Variants in FBXL2 observed in about 807,000 individuals in gnomAD.
FBXL2 encodes the protein F-box and leucine rich repeat protein 2.
Under a neutral mutation model 69.2 loss-of-function variants are expected in FBXL2, and 38 were observed. That is an observed-to-expected ratio of 0.55 (90% CI 0.42 to 0.72). The LOEUF is 0.72. FBXL2 is among the 30% of genes least tolerant of loss of function. FBXL2 has a pLI of 0.00. For missense variants in FBXL2, 354 were observed against 520.3 expected (o/e 0.68, Z 3.11); for synonymous variants, 192 against 201.3 (o/e 0.95, Z 0.39).
At chr3:33,406,212 C>A (rs2044416479), downstream of FBXL2, among the ~76,000 whole-genome samples, 1 of 152,162 alleles carries the variant, frequency 6.6e-6, no homozygotes, top group Non-Finnish European at 1.5e-5. Context: ...AGATTGAGGT[C>A]AGCCTTGGCA....
In FBXL2 at chr3:33,376,441, A is replaced by G. The variant is rs557796576; in HGVS notation, c.789-832A>G. Among the ~76,000 whole-genome samples, 13 of 152,312 alleles carry G rather than the reference A, an allele frequency of 8.5e-5. No homozygotes were observed. In the East Asian group the frequency reaches 2.3e-3, roughly 27 times the overall value. ...CTTACTGTTGTAGAGAAGGTACTAT[A>G]TCATTTAGATATTTCTGCTTAGTAG... On this transcript the variant is annotated intron_variant, in intron 10 of 14. Coordinates refer to ENST00000484457, the MANE Select transcript of FBXL2 (RefSeq NM_012157.5).
chr3:33,396,870 G>A (rs1230955003), intron 12 of FBXL2: 3 of 701,870 alleles, frequency 4.3e-6, no homozygotes, highest in Non-Finnish European at 7.8e-6. Context: ...CATCATATCT[G>A]GGCCTGCCCT....
intron 2 of FBXL2, among the ~76,000 whole-genome samples, chr3:33,303,920 A>C (rs1338392935): frequency 2.0e-5 from 3 of 152,036 alleles, no homozygotes; most frequent in African/African-American, 7.2e-5. Flanking sequence ...AATAACAATA[A>C]GATATTACCC....
chr3:33,421,233 G>C, the FBXL2 span, among the ~76,000 whole-genome samples: 1 of 146,102 alleles, frequency 6.8e-6, no homozygotes, highest in African/African-American at 2.5e-5. Context: ...TAAAGTCAGG[G>C]ACTTAACTCC....
At chr3:33,362,046 T>A (rs2041661694) in intron 4 of FBXL2, among the ~76,000 whole-genome samples, 3 of 152,216 alleles carry the variant, frequency 2.0e-5, no homozygotes, top group Admixed American at 6.5e-5. Context: ...AAGAAAAGGT[T>A]GAGTAACTTA....
chr3:33,375,598 G>A (rs1051097382), intron 10 of FBXL2, among the ~76,000 whole-genome samples, 180 bp downstream of exon 10: 2 of 152,184 alleles, frequency 1.3e-5, no homozygotes, highest in Non-Finnish European at 2.9e-5. Context: ...ATTGGAGGAT[G>A]TACTGGGAGA....
chr3:33,339,683 G>A (rs1447707798), intron 2 of FBXL2, among the ~76,000 whole-genome samples: 1 of 151,980 alleles, frequency 6.6e-6, no homozygotes, highest in African/African-American at 2.4e-5. Flanking sequence ...ACCTGCACAT[G>A]TACCCCACCA....
chr3:33,351,473 C>T (rs2040824458), intron 2 of FBXL2, among the ~76,000 whole-genome samples: 1 of 151,856 alleles, frequency 6.6e-6, no homozygotes, highest in African/African-American at 2.4e-5. Flanking sequence ...TTTGTAAGAT[C>T]TATATGAGGA....
At chr3:33,340,578 A>T (rs1173879852) in intron 2 of FBXL2, among the ~76,000 whole-genome samples, 1 of 82,296 alleles carries the variant, frequency 1.2e-5, no homozygotes, top group Non-Finnish European at 2.4e-5. Flanking sequence ...ATTTTGATTA[A>T]AAAAAAAAAA....
At chr3:33,378,221 G>A in intron 12 of FBXL2, 74 bp downstream of exon 12, 1 of 1,422,086 alleles carries the variant, frequency 7.0e-7, no homozygotes, top group Non-Finnish European at 9.9e-7. Flanking sequence ...CACAGCCAGA[G>A]ACACTGACTC....
intron 2 of FBXL2, among the ~76,000 whole-genome samples, chr3:33,343,484 G>A (rs896190642): frequency 6.6e-6 from 1 of 151,626 alleles, no homozygotes; most frequent in African/African-American, 2.4e-5. Flanking sequence ...TAATAATAAT[G>A]GAACAAAAAT....
intron 14 of FBXL2, among the ~76,000 whole-genome samples, chr3:33,385,255 A>C (rs1167731139): frequency 6.6e-6 from 1 of 152,148 alleles, no homozygotes; most frequent in Non-Finnish European, 1.5e-5. Flanking sequence ...TTAGTTTGTA[A>C]ACAGGGCTGG....
chr3:33,414,836 G>A, the FBXL2 span, among the ~76,000 whole-genome samples: 1 of 151,998 alleles, frequency 6.6e-6, no homozygotes, highest in Admixed American at 6.6e-5. Context: ...TTCAATCAGT[G>A]GGCTAAATAT....
the FBXL2 span, among the ~76,000 whole-genome samples, chr3:33,412,433 C>G: frequency 6.6e-6 from 1 of 151,364 alleles, no homozygotes; most frequent in Admixed American, 6.6e-5. Flanking sequence ...GACACAAGAT[C>G]CTAGAGGGGC....
intron 10 of FBXL2, 40 bp from the exon 11 acceptor site, chr3:33,377,233 G>T (rs944427494): frequency 6.3e-7 from 1 of 1,576,354 alleles, no homozygotes; most frequent in East Asian, 2.2e-5. Context: ...TTATTAACTA[G>T]TTGGTACCGT....
chr3:33,420,992 C>T, the FBXL2 span, among the ~76,000 whole-genome samples: 883 of 152,276 alleles, frequency 5.8e-3, 13 homozygotes, highest in Middle Eastern at 0.037. Context: ...AGGAGAAATT[C>T]TTTTCATTTG....
chr3:33,382,747 C>T (rs1307846189), intron 13 of FBXL2: 1 of 152,224 alleles, frequency 6.6e-6, no homozygotes, highest in African/African-American at 2.4e-5. Context: ...CTCACCAACA[C>T]TTATTTTCCA....
intron 5 of FBXL2, 111 bp from the exon 6 acceptor site, chr3:33,372,981 G>A (rs776357019): frequency 4.7e-5 from 41 of 879,112 alleles, no homozygotes; most frequent in Admixed American, 2.1e-4. Context: ...TGATTGTTAC[G>A]CGCTTTAATT....
intron 5 of FBXL2, among the ~76,000 whole-genome samples, chr3:33,366,827 G>A (rs2154044576): frequency 6.6e-6 from 1 of 152,244 alleles, no homozygotes; most frequent in South Asian, 2.1e-4. Context: ...AGCTGGGCGT[G>A]GTGGCAGGTG....
Sources: allele counts gnomAD v4.1 joint callset (sites outside exome capture counted in the v4.1 genomes callset), GRCh38; gene constraint gnomAD v4.1.1; transcripts MANE v1.5; gene names NCBI Gene and HGNC (gene_info 2026-07-23, HGNC 2026-07-21).